CMIP: variants seen among roughly 807,000 people sequenced by gnomAD.
CMIP encodes the protein C-Maf-inducing protein.
A neutral mutation model predicts 97.3 loss-of-function variants in CMIP; 13 were observed. The ratio of observed to expected loss-of-function variants is 0.13; its 90% CI spans 0.09 to 0.21. CMIP has a LOEUF of 0.21. Ranked by LOEUF, CMIP falls within the 10% of genes least tolerant of loss-of-function variation. The probability of loss-of-function intolerance (pLI) is 1.00; values close to 1 mark genes in which losing one functional copy is unlikely to be tolerated. For synonymous variants in CMIP, 538 were observed against 436.3 expected (o/e 1.23, Z -2.91); for missense variants, 847 against 1,024.9 (o/e 0.83, Z 2.37).
chr16:81,489,579 A>T (rs369205690), intron 1 of CMIP, among the ~76,000 whole-genome samples: 1 of 152,048 alleles, frequency 6.6e-6, no homozygotes, highest in South Asian at 2.1e-4. Flanking sequence ...GAGTGCAGGA[A>T]CCCAGCACAC....
intron 1 of CMIP, among the ~76,000 whole-genome samples, chr16:81,469,016 G>A (rs531114879): frequency 9.2e-5 from 14 of 152,320 alleles, no homozygotes; most frequent in African/African-American, 2.6e-4. Flanking sequence ...TTCCTACTCC[G>A]CTTTGAGAGG....
intron 1 of CMIP, among the ~76,000 whole-genome samples, chr16:81,497,762 G>T (rs1341808150): frequency 6.6e-6 from 1 of 152,234 alleles, no homozygotes. Context: ...AAGCCACAGG[G>T]CTTGTGCTCT....
At chr16:81,690,462 C>A (rs939280990) in intron 10 of CMIP, among the ~76,000 whole-genome samples, 1 of 152,196 alleles carries the variant, frequency 6.6e-6, no homozygotes, top group Non-Finnish European at 1.5e-5. Flanking sequence ...AAGTATCCAC[C>A]AAGGCCAGGC....
At chr16:81,600,663 G>C (rs2091642782) in intron 1 of CMIP, among the ~76,000 whole-genome samples, 1 of 152,242 alleles carries the variant, frequency 6.6e-6, no homozygotes, top group South Asian at 2.1e-4. Flanking sequence ...CGATAGAGAT[G>C]ATGGTGACAC....
chr16:81,700,207 C>A (rs1907239538), intron 15 of CMIP, among the ~76,000 whole-genome samples: 1 of 152,256 alleles, frequency 6.6e-6, no homozygotes. Context: ...AGGCTTCTCG[C>A]ATTGGCCTAA....
At chr16:81,477,675 T>C (rs992001749) in intron 1 of CMIP, among the ~76,000 whole-genome samples, 12 of 152,246 alleles carry the variant, frequency 7.9e-5, no homozygotes, top group African/African-American at 2.9e-4. Context: ...GTTTGTTTTC[T>C]CTCGTATAAA....
At chr16:81,478,682 T>A (rs1225282397) in intron 1 of CMIP, among the ~76,000 whole-genome samples, 1 of 152,126 alleles carries the variant, frequency 6.6e-6, no homozygotes, top group Admixed American at 6.5e-5. Flanking sequence ...TGGGAAGAAG[T>A]TGGCACCTGA....
chr16:81,564,856 A>G (rs1321333376), intron 1 of CMIP, among the ~76,000 whole-genome samples: 2 of 152,222 alleles, frequency 1.3e-5, no homozygotes, highest in African/African-American at 4.8e-5. Flanking sequence ...ATGAGCACAC[A>G]GAGAATGAAT....
intron 1 of CMIP, among the ~76,000 whole-genome samples, chr16:81,513,212 G>A (rs191103644): frequency 7.2e-5 from 11 of 152,262 alleles, no homozygotes; most frequent in Middle Eastern, 3.4e-3. Flanking sequence ...TCGAGTTTTC[G>A]TAGAGCGGGG....
At chr16:81,583,486 A>G (rs148959188) in intron 1 of CMIP, among the ~76,000 whole-genome samples, 1 of 152,364 alleles carries the variant, frequency 6.6e-6, no homozygotes, top group Non-Finnish European at 1.5e-5. Context: ...AAAATAAGTC[A>G]TTGGGAATAC....
rs751934639 is a variant in CMIP at position 81,678,343 on chromosome 16, C to T, written c.1103C>T (p.Thr368Ile). ...GCQQPCDRKP[T>I]LPLRLLHPSP... ...CAGCAGCCGTGCGACCGGAAGCCCA[C>T]TTTACCTCTGCGCCTTCTGCACCCC... is the stretch of plus-strand genomic sequence containing the variant. Residue 368 changes from threonine (T) to isoleucine (I), a missense_variant, in exon 10 of 21, where the codon ACT becomes ATT. By Grantham distance (89) the Thr-to-Ile change is moderately conservative. Transcript: ENST00000537098. 1 of 1,613,156 alleles carries T rather than the reference C, an allele frequency of 6.2e-7. No homozygotes were observed. Among genetic ancestry groups the T allele is most frequent in the Non-Finnish European group, 8.5e-7 (1 of 1,179,564 alleles).
intron 7 of CMIP, among the ~76,000 whole-genome samples, chr16:81,667,766 A>AAGAGAGAG (rs59388984): frequency 1.8e-3 from 151 of 85,152 alleles, no homozygotes; most frequent in African/African-American, 4.8e-3. Context: ...GAGGGAGAGA[A>AAGAGAGAG]AGAGAGAGAG....
At chr16:81,680,173 C>T (rs1002553569) in intron 10 of CMIP, among the ~76,000 whole-genome samples, 4 of 152,178 alleles carry the variant, frequency 2.6e-5, no homozygotes, top group African/African-American at 9.6e-5. Flanking sequence ...CTCGGAAGCC[C>T]GGTGCCTGGG....
rs978539038 is a variant in CMIP, at chr16:81,648,232, G to A, written c.478-3971G>A. Among the ~76,000 whole-genome samples the A allele has an allele frequency of 3.9e-5, 6 of 151,906 alleles. No individual in the cohort carries two copies. In the East Asian group the frequency reaches 1.2e-3, roughly 29 times the overall value. On this transcript the variant is annotated intron_variant, in intron 3 of 20. Transcript: ENST00000537098. ...ATGTGATGGAAAGAGCTTTGCAGTGGCCAGAGCCAGTTTTCATTCCTGAAT... is the reference window on the plus strand; with the variant it reads ...ATGTGATGGAAAGAGCTTTGCAGTGACCAGAGCCAGTTTTCATTCCTGAAT...
At chr16:81,537,838 G>T (rs1339986179) in intron 1 of CMIP, among the ~76,000 whole-genome samples, 1 of 152,264 alleles carries the variant, frequency 6.6e-6, no homozygotes, top group East Asian at 1.9e-4. Context: ...GGCAGCAAGA[G>T]ATTGGGGTGG....
intron 1 of CMIP, among the ~76,000 whole-genome samples, chr16:81,585,439 C>T (rs1482249664): frequency 6.6e-6 from 1 of 152,228 alleles, no homozygotes; most frequent in African/African-American, 2.4e-5. Context: ...ATTCTCATCA[C>T]CTCAAAAGGA....
intron 3 of CMIP, among the ~76,000 whole-genome samples, chr16:81,639,694 C>T (rs576981282): frequency 3.3e-5 from 5 of 152,318 alleles, no homozygotes; most frequent in South Asian, 4.1e-4. Flanking sequence ...TTACGAATGA[C>T]GCTGCTGTGA....
chr16:81,495,013 A>C (rs978804711), intron 1 of CMIP, among the ~76,000 whole-genome samples: 2 of 152,096 alleles, frequency 1.3e-5, no homozygotes, highest in Non-Finnish European at 1.5e-5. Flanking sequence ...GCACCCACAC[A>C]CAATTCTGAT....
At chr16:81,479,306 C>G (rs1908118440) in intron 1 of CMIP, among the ~76,000 whole-genome samples, 1 of 152,136 alleles carries the variant, frequency 6.6e-6, no homozygotes, top group African/African-American at 2.4e-5. Context: ...CAATGAATGT[C>G]TTGAGGGACT....
Sources: allele counts gnomAD v4.1 joint callset (sites outside exome capture counted in the v4.1 genomes callset), GRCh38; gene constraint gnomAD v4.1.1; transcripts MANE v1.5; gene names NCBI Gene and HGNC (gene_info 2026-07-23, HGNC 2026-07-21).